NME7: variants seen among roughly 807,000 people sequenced by gnomAD.
NME7 encodes NME/NM23 family member 7.
In NME7, 41 loss-of-function variants were observed where a neutral mutation model predicts 49.1. That is an observed-to-expected ratio of 0.83 (90% CI 0.65 to 1.08). The LOEUF (loss-of-function observed/expected upper bound fraction) is 1.08. NME7 is among the 50% of genes least tolerant of loss of function. The probability of loss-of-function intolerance (pLI) is 0.00; values close to 1 mark genes in which losing one functional copy is unlikely to be tolerated. For synonymous variants in NME7, 139 were observed against 150.6 expected (o/e 0.92, Z 0.56); for missense variants, 423 against 463.4 (o/e 0.91, Z 0.80).
intron 2 of NME7, among the ~76,000 whole-genome samples, chr1:169,323,638 A>G (rs1029045461): frequency 3.3e-5 from 5 of 152,122 alleles, no homozygotes; most frequent in African/African-American, 1.2e-4. Context: ...CCAATACCAA[A>G]AAGATCTACT....
intron 7 of NME7, among the ~76,000 whole-genome samples, chr1:169,248,635 C>A (rs1195180011): frequency 6.6e-6 from 1 of 152,034 alleles, no homozygotes; most frequent in Admixed American, 6.6e-5. Context: ...ATCTTTGAAC[C>A]ATCTTGAGAT....
At chr1:169,161,289 A>G (rs894795126) in intron 11 of NME7, among the ~76,000 whole-genome samples, 3 of 152,202 alleles carry the variant, frequency 2.0e-5, no homozygotes, top group African/African-American at 4.8e-5. Flanking sequence ...TTGTATTTGT[A>G]CAAGTTGTTC....
chr1:169,328,950 C>T (rs978915241), intron 1 of NME7, among the ~76,000 whole-genome samples: 2 of 152,110 alleles, frequency 1.3e-5, no homozygotes, highest in African/African-American at 4.8e-5. Context: ...TTGCAGACTA[C>T]AGTAAATACC....
chr1:169,217,195 T>G (rs1660995055), intron 10 of NME7, among the ~76,000 whole-genome samples: 1 of 152,170 alleles, frequency 6.6e-6, no homozygotes, highest in Non-Finnish European at 1.5e-5. Context: ...CAAACCCAAG[T>G]ATAGCACTCC....
rs541028644 is a variant in NME7, at chr1:169,218,502, C to T, written c.990+12216G>A. ...TCGGGATGCTGAGATGGGAGGATTG[C>T]TTGAGATGGGGAGATTCAGGCTGCC... On this transcript the variant is annotated intron_variant, in intron 10 of 11. Transcript: ENST00000367811. 6.6e-5 allele frequency among the ~76,000 whole-genome samples: 10 copies of T among 152,120 alleles called. No homozygotes were observed. In the East Asian group the frequency reaches 1.9e-3, roughly 29 times the overall value.
chr1:169,354,874 CATA>C (rs200913465), intron 1 of NME7, among the ~76,000 whole-genome samples: 2,194 of 117,100 alleles, frequency 0.019, 72 homozygotes, highest in African/African-American at 0.064. Flanking sequence ...TAATTATAAA[CATA>C]ATAATATATA....
intron 11 of NME7, among the ~76,000 whole-genome samples, chr1:169,149,695 T>C (rs567465156): frequency 5.3e-5 from 8 of 152,318 alleles, no homozygotes; most frequent in African/African-American, 1.9e-4. Context: ...TTAAGTACTG[T>C]ATTCATCCTT....
chr1:169,293,958 C>G (rs768238725), intron 6 of NME7, among the ~76,000 whole-genome samples: 1 of 151,936 alleles, frequency 6.6e-6, no homozygotes, highest in Non-Finnish European at 1.5e-5. Context: ...GAATGGAAAT[C>G]TCTTCTAAAA....
intron 11 of NME7, among the ~76,000 whole-genome samples, chr1:169,146,656 A>G (rs1367563993): frequency 1.3e-5 from 2 of 152,228 alleles, no homozygotes; most frequent in African/African-American, 4.8e-5. Flanking sequence ...ACACAAGGAT[A>G]TCAGCTCTAG....
At chr1:169,309,197 T>C (rs886600587) in intron 4 of NME7, among the ~76,000 whole-genome samples, 5 of 152,224 alleles carry the variant, frequency 3.3e-5, no homozygotes, top group African/African-American at 1.2e-4. Context: ...ACTTGGTGTC[T>C]TATTGTTCTT....
At chr1:169,170,377 C>G (rs1230622464) in intron 10 of NME7, among the ~76,000 whole-genome samples, 1 of 152,110 alleles carries the variant, frequency 6.6e-6, no homozygotes, top group African/African-American at 2.4e-5. Flanking sequence ...GCTTAGGGTG[C>G]AAAGATTCTG....
At chr1:169,292,394 C>A (rs921789207) in intron 6 of NME7, among the ~76,000 whole-genome samples, 1 of 152,128 alleles carries the variant, frequency 6.6e-6, no homozygotes, top group East Asian at 1.9e-4. Flanking sequence ...ATGCAAACCA[C>A]ATACCATGAG....
In NME7 at chr1:169,143,208, T is replaced by C. The variant is rs538899488; in HGVS notation, c.1099-10391A>G. On this transcript the variant is annotated intron_variant, in intron 11 of 11. Coordinates refer to ENST00000367811, the MANE Select transcript of NME7 (RefSeq NM_013330.5). ...CTGATGTTTTGAGGATAAAGATCCA[T>C]ATTCTTAAAATAGCCCACAAAGCCC... 7.2e-5 allele frequency among the ~76,000 whole-genome samples: 11 copies of C among 151,870 alleles called. No individual in the cohort carries two copies. In the South Asian group the frequency reaches 2.3e-3, roughly 32 times the overall value.
chr1:169,280,753 T>G lies in NME7; in HGVS notation c.754+6550A>C, dbSNP rs573343430. The stretch of plus-strand genomic sequence containing the variant: ...TTGTGTGTGTCAGGTTTGTCAAAGA[T>G]CAGATGGTTGTAGCTGTGTGGTGTT... On this transcript the variant is annotated intron_variant, in intron 7 of 11. Transcript: ENST00000367811. Among the ~76,000 whole-genome samples, 112 of 147,892 alleles carry G rather than the reference T, an allele frequency of 7.6e-4. 10 individuals carry two copies. Among genetic ancestry groups the G allele is most frequent in the African/African-American group, 2.5e-3 (103 of 40,796 alleles).
intron 10 of NME7, among the ~76,000 whole-genome samples, chr1:169,220,593 C>A (rs1661114124): frequency 2.0e-5 from 3 of 152,058 alleles, no homozygotes; most frequent in African/African-American, 7.2e-5. Context: ...TTTGTAATCA[C>A]TGAATCACTT....
intron 10 of NME7, among the ~76,000 whole-genome samples, chr1:169,171,818 T>C (rs1026691754): frequency 1.3e-5 from 2 of 151,270 alleles, no homozygotes; most frequent in African/African-American, 2.4e-5. Flanking sequence ...TTTTTTTTTT[T>C]TCTTTTTTTT....
At chr1:169,226,715 TA>T (rs1380510235) in intron 10 of NME7, among the ~76,000 whole-genome samples, 1 of 152,198 alleles carries the variant, frequency 6.6e-6, no homozygotes, top group East Asian at 1.9e-4. Context: ...TTTGTTATTA[TA>T]AAAGTAATAT....
At chr1:169,198,671 G>T (rs1165006414) in intron 10 of NME7, among the ~76,000 whole-genome samples, 2 of 152,122 alleles carry the variant, frequency 1.3e-5, no homozygotes, top group Non-Finnish European at 2.9e-5. Context: ...AATCTATAGA[G>T]ATAGAAAGTA....
intron 10 of NME7, among the ~76,000 whole-genome samples, chr1:169,191,912 G>T (rs1660242249): frequency 6.6e-6 from 1 of 152,156 alleles, no homozygotes; most frequent in Admixed American, 6.5e-5. Flanking sequence ...TGGTCCAGCT[G>T]CATCACATCA....
Sources: allele counts gnomAD v4.1 joint callset (sites outside exome capture counted in the v4.1 genomes callset), GRCh38; gene constraint gnomAD v4.1.1; transcripts MANE v1.5; gene names NCBI Gene and HGNC (gene_info 2026-07-23, HGNC 2026-07-21).